The following TMEM225B variants were observed in gnomAD, a reference collection of about 807,000 sequenced individuals.
TMEM225B encodes transmembrane protein 225B, also known as transmembrane protein 225-like.
A neutral mutation model predicts 16.9 loss-of-function variants in TMEM225B; 10 were observed. That is an observed-to-expected ratio of 0.59 (90% CI 0.36 to 1.00). The LOEUF is 1.00. TMEM225B is among the 50% of genes least tolerant of loss of function. The probability of loss-of-function intolerance (pLI) is 0.01; values close to 1 mark genes in which losing one functional copy is unlikely to be tolerated. For missense variants in TMEM225B, 217 were observed against 267.0 expected, an observed-to-expected ratio of 0.81 and a Z score of 1.30; for synonymous variants, 92 against 109.8, an observed-to-expected ratio of 0.84 and a Z score of 1.01.
Position 99,607,798 on chromosome 7 carries a change from T to A in TMEM225B, c.481T>A (p.Phe161Ile), listed in dbSNP as rs1207341150. The stretch of plus-strand genomic sequence containing the variant: ...CGTGCTGGGCTTCGGCATCTTTCTG[T>A]TCATAGTGGCTGGTGAGTGTCCAGG... ...YYVLGFGIFL[F>I]IVAGTICLIQ... Residue 161 changes from phenylalanine (F) to isoleucine (I), a missense_variant, in exon 5 of 6, where the codon TTC becomes ATC. Phe to Ile is a conservative substitution (Grantham distance 21). Transcript: ENST00000431679. 6.5e-7 allele frequency: 1 copy of A among 1,535,960 alleles called. No homozygotes were observed. Among genetic ancestry groups the A allele is most frequent in the African/African-American group, 1.4e-5 (1 of 73,040 alleles).
At chr7:99,604,211 T>G (rs934190171) in intron 2 of TMEM225B, among the ~76,000 whole-genome samples, 175 bp from the exon 3 acceptor site, 1 of 151,954 alleles carries the variant, frequency 6.6e-6, no homozygotes, top group Non-Finnish European at 1.5e-5. Flanking sequence ...TTTTTTTTGG[T>G]CTGCTGCAGA....
intron 2 of TMEM225B, among the ~76,000 whole-genome samples, chr7:99,601,135 T>A (rs909498984): frequency 1.4e-4 from 21 of 152,148 alleles, no homozygotes; most frequent in African/African-American, 5.1e-4. Context: ...AGGATCAAGA[T>A]GCAGCCATGA....
At chr7:99,599,419 A>T (rs965161562) in intron 1 of TMEM225B, among the ~76,000 whole-genome samples, 5 of 152,076 alleles carry the variant, frequency 3.3e-5, no homozygotes, top group Non-Finnish European at 7.4e-5. Context: ...CAAAAAAAAA[A>T]TTAGCCAGGT....
chr7:99,599,128 T>A (rs1355876251), intron 1 of TMEM225B, among the ~76,000 whole-genome samples: 2 of 142,500 alleles, frequency 1.4e-5, no homozygotes, highest in African/African-American at 5.4e-5. Context: ...CTGGCTAATT[T>A]TTTTTTTTTT....
intron 4 of TMEM225B, 29 bp downstream of exon 4, chr7:99,606,923 T>A (rs1028631887): frequency 7.2e-5 from 111 of 1,535,238 alleles, no homozygotes; most frequent in Non-Finnish European, 9.4e-5. Flanking sequence ...ATCCCTGACC[T>A]TCGCTAGGGC....
chr7:99,599,127 T>TTA (rs1321197227), intron 1 of TMEM225B, among the ~76,000 whole-genome samples: 3 of 104,142 alleles, frequency 2.9e-5, no homozygotes, highest in African/African-American at 1.5e-4. Flanking sequence ...CCTGGCTAAT[T>TTA]TTTTTTTTTT....
intron 1 of TMEM225B, among the ~76,000 whole-genome samples, chr7:99,598,653 T>C (rs1207756686): frequency 3.9e-5 from 6 of 152,172 alleles, no homozygotes; most frequent in Admixed American, 3.9e-4. Flanking sequence ...GGAAGGAACC[T>C]CTGACCCTAC....
intron 1 of TMEM225B, among the ~76,000 whole-genome samples, chr7:99,599,292 A>C (rs1208944203): frequency 6.6e-6 from 1 of 152,168 alleles, no homozygotes; most frequent in Non-Finnish European, 1.5e-5. Flanking sequence ...CCTTTAAAAA[A>C]TAATAATTTG....
At position 99,610,733 on chromosome 7, in the gene TMEM225B, A is replaced by G; in HGVS notation, c.*168A>G. 1.9e-6 allele frequency: 1 copy of G among 537,314 alleles called. No homozygotes were observed. 33.3% of individuals were successfully genotyped at this position (537,314 alleles called of 1,614,324 possible). On this transcript the variant is annotated 3_prime_UTR_variant, in exon 6 of 6. Transcript: ENST00000431679. ...CTCACAGTGATTCTATCTTGCTTGTATGTGAAATTTGCTAAAAGTCCTTTC... is the reference window on the plus strand; with the variant it reads ...CTCACAGTGATTCTATCTTGCTTGTGTGTGAAATTTGCTAAAAGTCCTTTC...
Position 99,600,196 on chromosome 7 carries a change from T to C in TMEM225B, c.-84-9T>C, listed in dbSNP as rs534907529. On this transcript the variant is annotated splice_polypyrimidine_tract_variant and intron_variant, in intron 1 of 5. Coordinates refer to ENST00000431679, the MANE Select transcript of TMEM225B (RefSeq NM_001195541.3). ...ATCACATGATGTGTTTCTGTGTCTC[T>C]CTCCCTAGCAGTTCCAAGAGCCTCT... is the stretch of plus-strand genomic sequence containing the variant. 118 of 702,956 alleles carry C rather than the reference T, an allele frequency of 1.7e-4. 1 individual carries two copies. Among genetic ancestry groups the C allele is most frequent in the South Asian group, 1.1e-3 (73 of 67,598 alleles). 43.5% of individuals were successfully genotyped at this position (702,956 alleles called of 1,614,324 possible). A position where few individuals can be genotyped will look rare whatever the true frequency, so the allele number is the denominator to read the frequency against.
At chr7:99,609,719 C>A (rs923186582) in intron 5 of TMEM225B, among the ~76,000 whole-genome samples, 4 of 151,076 alleles carry the variant, frequency 2.6e-5, no homozygotes, top group Non-Finnish European at 5.9e-5. Flanking sequence ...CAGGTGTGAG[C>A]CACCGCGCCC....
At position 99,610,685 on chromosome 7, in the gene TMEM225B, G is replaced by C; in HGVS notation, c.*120G>C. On this transcript the variant is annotated 3_prime_UTR_variant, in exon 6 of 6. Coordinates refer to ENST00000431679, the MANE Select transcript of TMEM225B (RefSeq NM_001195541.3). ...CCTTTGAGGAGCTTCTTGCGTGTCA[G>C]ATCAACTCTCCACCTCCCCATACTC... is the stretch of plus-strand genomic sequence containing the variant. 2.6e-6 allele frequency: 2 copies of C among 773,650 alleles called. No homozygotes were observed. The highest frequency in any genetic ancestry group is 2.0e-5 in the South Asian group (1 of 49,732). The allele number at this position is 773,650 out of a possible 1,614,324, so 47.9% of individuals were successfully genotyped here.
intron 2 of TMEM225B, among the ~76,000 whole-genome samples, chr7:99,604,104 A>AACCTCCTCAGTTT (rs1304097804): frequency 2.6e-5 from 4 of 152,160 alleles, no homozygotes; most frequent in African/African-American, 9.7e-5. Context: ...GGCCCAGTTC[A>AACCTCCTCAGTTT]ACCTCCTCAG....
At chr7:99,609,722 C>T (rs1353751663) in intron 5 of TMEM225B, among the ~76,000 whole-genome samples, 5 of 151,170 alleles carry the variant, frequency 3.3e-5, no homozygotes, top group Non-Finnish European at 5.9e-5. Context: ...GTGTGAGCCA[C>T]CGCGCCCGGC....
chr7:99,603,334 G>A (rs1194554084), intron 2 of TMEM225B, among the ~76,000 whole-genome samples: 2 of 152,204 alleles, frequency 1.3e-5, no homozygotes, highest in Non-Finnish European at 2.9e-5. Context: ...CCAAAAGGAA[G>A]ACAGTTGACT....
At chr7:99,601,972 G>T (rs1419966807) in intron 2 of TMEM225B, among the ~76,000 whole-genome samples, 1 of 152,186 alleles carries the variant, frequency 6.6e-6, no homozygotes, top group Non-Finnish European at 1.5e-5. Flanking sequence ...TCACTTCGAG[G>T]GCCTTGTGCT....
At chr7:99,605,989 CT>C (rs1346549449) in intron 3 of TMEM225B, among the ~76,000 whole-genome samples, 1 of 152,234 alleles carries the variant, frequency 6.6e-6, no homozygotes, top group African/African-American at 2.4e-5. Context: ...AGGCGAATTA[CT>C]TCAGGGTAAC....
At chr7:99,602,796 T>C (rs1805474817) in intron 2 of TMEM225B, among the ~76,000 whole-genome samples, 1 of 152,148 alleles carries the variant, frequency 6.6e-6, no homozygotes, top group Non-Finnish European at 1.5e-5. Context: ...CACTGCAGTC[T>C]CTAACTCCTG....
intron 1 of TMEM225B, among the ~76,000 whole-genome samples, chr7:99,599,849 C>T (rs1434762855): frequency 1.3e-5 from 2 of 152,226 alleles, no homozygotes; most frequent in African/African-American, 4.8e-5. Flanking sequence ...CTCCACCAGT[C>T]ATTCCCTCTC....
Sources: gnomAD v4.1 joint callset for allele counts (sites outside exome capture counted in the v4.1 genomes callset) on GRCh38, gnomAD v4.1.1 for gene constraint, MANE v1.5 for transcripts, NCBI Gene and HGNC (gene_info 2026-07-23, HGNC 2026-07-21) for gene names.